Variants in TNFRSF13B observed in about 807,000 individuals in gnomAD.
TNFRSF13B encodes tumor necrosis factor receptor superfamily member 13B.
Under a neutral mutation model 24.0 loss-of-function variants are expected in TNFRSF13B, and 34 were observed. The observed-to-expected ratio is 1.41, with a 90% CI of 1.08 to 1.88. The LOEUF (loss-of-function observed/expected upper bound fraction) is 1.88, where lower values mean the gene tolerates loss of function less well. TNFRSF13B is among the 40% of genes most tolerant of loss of function. The probability of loss-of-function intolerance (pLI) is 0.00; values close to 1 mark genes in which losing one functional copy is unlikely to be tolerated. For missense variants in TNFRSF13B, 415 were observed against 380.8 expected (o/e 1.09, Z -0.75); for synonymous variants, 173 against 150.3 (o/e 1.15, Z -1.10).
At chr17:16,942,320 A>T (rs1009158091) in intron 3 of TNFRSF13B, among the ~76,000 whole-genome samples, 2 of 152,174 alleles carry the variant, frequency 1.3e-5, no homozygotes, top group Non-Finnish European at 2.9e-5. Context: ...CGGGCCACAC[A>T]GCGGCCCCAG....
chr17:16,968,147 A>AG (rs1173358644), intron 1 of TNFRSF13B, among the ~76,000 whole-genome samples: 1 of 136,120 alleles, frequency 7.3e-6, no homozygotes, highest in African/African-American at 2.7e-5. Flanking sequence ...GTCTCAAAAA[A>AG]AAAAAAAAAG....
intron 1 of TNFRSF13B, among the ~76,000 whole-genome samples, chr17:16,966,832 C>CTTTTTTTTTTTTTTTTTTTTT (rs796602708): frequency 1.0e-5 from 1 of 95,848 alleles, no homozygotes; most frequent in Non-Finnish European, 2.0e-5. Context: ...TTTTCTTTTT[C>CTTTTTTTTTTTTTTTTTTTTT]TTTTTTCTTT....
At chr17:16,962,331 AC>A (rs1160228073) in intron 1 of TNFRSF13B, among the ~76,000 whole-genome samples, 2 of 151,950 alleles carry the variant, frequency 1.3e-5, no homozygotes, top group African/African-American at 4.8e-5. Flanking sequence ...ATATGGTGAA[AC>A]CCTGTCTTCA....
At chr17:16,967,709 G>T (rs184122181) in intron 1 of TNFRSF13B, among the ~76,000 whole-genome samples, 1 of 117,196 alleles carries the variant, frequency 8.5e-6, no homozygotes, top group Admixed American at 1.2e-4. Flanking sequence ...TGGGGATCAC[G>T]CCACTGCACT....
chr17:16,964,933 T>G lies in TNFRSF13B; in HGVS notation c.61+7082A>C, dbSNP rs565914094. 7.5e-4 allele frequency among the ~76,000 whole-genome samples: 114 copies of G among 152,198 alleles called. 1 individual carries two copies. The highest frequency in any genetic ancestry group is 3.8e-3 in the Admixed American group (58 of 15,278). On this transcript the variant is annotated intron_variant, in intron 1 of 4. Transcript: ENST00000261652. ...AAAATGGACACTCTAGACTTTCTTT[T>G]GTAGATCTTCTCAAGGGTGTGTACA...
chr17:16,957,452 C>T (rs1567654582), intron 1 of TNFRSF13B, among the ~76,000 whole-genome samples: 1 of 151,858 alleles, frequency 6.6e-6, no homozygotes, highest in Non-Finnish European at 1.5e-5. Flanking sequence ...AATAATGGCC[C>T]CAAATTTCCC....
At chr17:16,948,702 G>T (rs1403465064) in intron 3 of TNFRSF13B, 36 bp downstream of exon 3, 1 of 1,612,732 alleles carries the variant, frequency 6.2e-7, no homozygotes. Context: ...TTCTCACCCT[G>T]CGTGACACCA....
At chr17:16,970,352 C>T (rs1310462469) in intron 1 of TNFRSF13B, among the ~76,000 whole-genome samples, 2 of 152,048 alleles carry the variant, frequency 1.3e-5, no homozygotes, top group South Asian at 2.1e-4. Flanking sequence ...TCCTGCACCC[C>T]GAGACCAGAG....
chr17:16,950,877 C>T (rs955662430), intron 2 of TNFRSF13B, among the ~76,000 whole-genome samples: 3 of 152,196 alleles, frequency 2.0e-5, no homozygotes, highest in African/African-American at 7.2e-5. Context: ...ATTCTGTGAC[C>T]TCTTAACAAT....
chr17:16,952,619 G>T (rs371435183), intron 1 of TNFRSF13B, 36 bp from the exon 2 acceptor site: 1 of 1,613,798 alleles, frequency 6.2e-7, no homozygotes, highest in South Asian at 1.1e-5. Flanking sequence ...GCTGGCAGGC[G>T]GCCACAGCCC....
At chr17:16,953,500 T>A (rs1453525220) in intron 1 of TNFRSF13B, among the ~76,000 whole-genome samples, 2 of 152,168 alleles carry the variant, frequency 1.3e-5, no homozygotes, top group East Asian at 3.9e-4. Context: ...CGACACCCAA[T>A]GCCCATGCCT....
chr17:16,964,500 AC>A (rs1299572950), intron 1 of TNFRSF13B, among the ~76,000 whole-genome samples: 2 of 151,500 alleles, frequency 1.3e-5, no homozygotes, highest in Non-Finnish European at 2.9e-5. Context: ...GTGCCCCTAC[AC>A]CCGGCTAATT....
chr17:16,960,427 G>A (rs1190926971), intron 1 of TNFRSF13B, among the ~76,000 whole-genome samples: 1 of 152,184 alleles, frequency 6.6e-6, no homozygotes, highest in Non-Finnish European at 1.5e-5. Flanking sequence ...AGTATCCACA[G>A]TGGAAAGGAG....
chr17:16,952,547 G>C lies in TNFRSF13B; in HGVS notation c.98C>G (p.Ser33Cys). 1 of 1,614,216 alleles carries C rather than the reference G, an allele frequency of 6.2e-7. No individual in the cohort carries two copies. The highest frequency in any genetic ancestry group is 8.5e-7 in the Non-Finnish European group (1 of 1,180,028). Residue 33 changes from serine (S) to cysteine (C), a missense_variant, in exon 2 of 5, where the codon TCC becomes TGC. Transcript: ENST00000261652. ...QGLWTGVAMR[S>C]CPEEQYWDPL... ...ATCCCAGTACTGCTCTTCGGGGCAG[G>C]ATCTCATAGCCACCCCCGTCCACAG...
intron 1 of TNFRSF13B, among the ~76,000 whole-genome samples, chr17:16,962,089 A>G (rs1024141256): frequency 6.6e-6 from 1 of 152,250 alleles, no homozygotes; most frequent in African/African-American, 2.4e-5. Context: ...GTGAAAATAC[A>G]GAAGTGATAA....
Position 16,939,299 on chromosome 17 carries a change from C to T in TNFRSF13B, c.*248G>A. ...TCTCTGCCTCTCTCCCTCTCTGCCT[C>T]TCTCCCTCTCTGCCTCTCTCCTTCT... On this transcript the variant is annotated 3_prime_UTR_variant, in exon 5 of 5. Coordinates refer to ENST00000261652, the MANE Select transcript of TNFRSF13B (RefSeq NM_012452.3). 3 of 493,000 alleles carry T rather than the reference C, an allele frequency of 6.1e-6. No individual in the cohort carries two copies. Among genetic ancestry groups the T allele is most frequent in the Non-Finnish European group, 1.1e-5 (3 of 281,504 alleles). The allele number at this position is 493,000 out of a possible 1,614,324, so 30.5% of individuals were successfully genotyped here. A position where few individuals can be genotyped will look rare whatever the true frequency, so the allele number is the denominator to read the frequency against.
Position 16,952,437 on chromosome 17 carries a change from A to G in TNFRSF13B, c.199+9T>C, listed in dbSNP as rs1597662936. 1.2e-6 allele frequency: 2 copies of G among 1,614,052 alleles called. No individual in the cohort carries two copies. Among genetic ancestry groups the G allele is most frequent in the East Asian group, 2.2e-5 (1 of 44,882 alleles). On this transcript the variant is annotated intron_variant, in intron 2 of 4. Transcript: ENST00000261652. ...ACACTGTCCCCTCGGCTCAGGCCCC[A>G]GAACTCACTGCAGAAGGCTGCACAG...
At chr17:16,950,542 C>T (rs1187241137) in intron 2 of TNFRSF13B, among the ~76,000 whole-genome samples, 2 of 152,198 alleles carry the variant, frequency 1.3e-5, no homozygotes, top group Admixed American at 6.5e-5. Flanking sequence ...CCAGTGACCT[C>T]CCCTGCTCTG....
At chr17:16,950,039 T>C (rs539881142) in intron 2 of TNFRSF13B, among the ~76,000 whole-genome samples, 1 of 152,290 alleles carries the variant, frequency 6.6e-6, no homozygotes, top group East Asian at 1.9e-4. Flanking sequence ...AAGGCAAGTT[T>C]CCTTTGTATT....
Sources: gnomAD v4.1 joint callset for allele counts (sites outside exome capture counted in the v4.1 genomes callset) on GRCh38, gnomAD v4.1.1 for gene constraint, MANE v1.5 for transcripts, NCBI Gene and HGNC (gene_info 2026-07-23, HGNC 2026-07-21) for gene names.